The following GLS variants were observed in gnomAD, a reference collection of about 807,000 sequenced individuals.
GLS encodes glutaminase kidney isoform, mitochondrial.
GLS carries 36 observed loss-of-function variants against 86.7 expected under a neutral mutation model. That is an observed-to-expected ratio of 0.42 (90% CI 0.32 to 0.55). The LOEUF is 0.55. Ranked by LOEUF, GLS falls within the 20% of genes least tolerant of loss-of-function variation. GLS has a pLI of 0.17. For missense variants in GLS, 528 were observed against 833.4 expected (o/e 0.63, Z 4.51); for synonymous variants, 317 against 305.9 (o/e 1.04, Z -0.38).
In GLS at chr2:190,881,315, G is replaced by A. The variant is rs1297502390; in HGVS notation, c.231G>A (p.Ser77=). ...PLARGLSSSP[S]EILQELGKGS... is the part of the protein sequence containing the mutation. The stretch of plus-strand genomic sequence containing the variant: ...CGCGGGGCCTGTCCAGCTCTCCTTC[G>A]GAGATCTTGCAGGAGCTGGGCAAGG... The change falls in exon 1 of 18, where the codon TCG becomes TCA. Residue 77 remains serine (S), a synonymous_variant. Coordinates refer to ENST00000320717, the MANE Select transcript of GLS (RefSeq NM_014905.5). 6.6e-7 allele frequency: 1 copy of A among 1,513,604 alleles called. No homozygotes were observed. 93.8% of individuals were successfully genotyped at this position (1,513,604 alleles called of 1,614,324 possible).
chr2:190,942,285 T>G (rs1025632892), intron 14 of GLS, among the ~76,000 whole-genome samples: 3 of 151,878 alleles, frequency 2.0e-5, no homozygotes, highest in African/African-American at 7.3e-5. Flanking sequence ...TTTCACCATG[T>G]TAGCCAAGAT....
intron 1 of GLS, 158 bp downstream of exon 1, chr2:190,881,628 G>T (rs1044037725): frequency 4.1e-5 from 26 of 629,986 alleles, no homozygotes; most frequent in South Asian, 9.2e-5. Context: ...ATGTGATTAG[G>T]CCCGGCCCCG....
Position 190,943,421 on chromosome 2 carries a change from GAT to G in GLS, c.1651-10142_1651-10141del, listed in dbSNP as rs1437499016. ...TAAGAAACCATCATTTTAAAGGTAA[GAT>G]AGAGTAGGAGAGGCTTCCACTAGGG... On this transcript the variant is annotated intron_variant, in intron 14 of 17. Coordinates refer to ENST00000320717, the MANE Select transcript of GLS (RefSeq NM_014905.5). The surrounding 1 kb of genome is among the most constrained non-coding windows in gnomAD (Gnocchi z 4.5). 3.3e-5 allele frequency among the ~76,000 whole-genome samples: 5 copies of G among 152,122 alleles called. No homozygotes were observed. Among genetic ancestry groups the G allele is most frequent in the Admixed American group, 6.5e-5 (1 of 15,272 alleles).
At chr2:190,894,576 A>G (rs1034230636) in intron 1 of GLS, among the ~76,000 whole-genome samples, 1 of 152,136 alleles carries the variant, frequency 6.6e-6, no homozygotes, top group African/African-American at 2.4e-5. Context: ...CCTTTCTCAG[A>G]TGAGGAAACT....
chr2:190,923,161 T>C (rs1278554690), intron 9 of GLS, among the ~76,000 whole-genome samples: 2 of 152,210 alleles, frequency 1.3e-5, no homozygotes, highest in Admixed American at 6.5e-5. Context: ...TTCCCCTTTT[T>C]CAAACTGATG....
chr2:190,880,912 G>GCAGCAGCAGCAGCAC lies in GLS; in HGVS notation c.-165_-164insGCAGCACCAGCAGCA, dbSNP rs1553572210. 20 of 946,726 alleles carry GCAGCAGCAGCAGCAC rather than the reference G, an allele frequency of 2.1e-5. 1 individual carries two copies. The highest frequency in any genetic ancestry group is 1.1e-4 in the Admixed American group (5 of 47,456). 58.6% of individuals were successfully genotyped at this position (946,726 alleles called of 1,614,324 possible). A position where few individuals can be genotyped will look rare whatever the true frequency, so the allele number is the denominator to read the frequency against. Reference sequence around the variant, plus strand: ...AGCAGCAGCAGCAGCAGCAGCAGCAGCAGCAGCACCCGCATCCGCTGCGGG... The same window carrying GCAGCAGCAGCAGCAC: ...AGCAGCAGCAGCAGCAGCAGCAGCAGCAGCAGCAGCAGCACCAGCAGCACCCGCATCCGCTGCGGG... On this transcript the variant is annotated 5_prime_UTR_variant, in exon 1 of 18. Transcript: ENST00000320717.
chr2:190,934,874 T>G (rs60202309), intron 14 of GLS: 83,610 of 976,944 alleles, frequency 0.086, 4,319 homozygotes, highest in Admixed American at 0.27. Context: ...GAAGAAGAGA[T>G]AAGATACTGC....
At chr2:190,926,166 A>G (rs1689888420) in intron 11 of GLS, among the ~76,000 whole-genome samples, 1 of 152,208 alleles carries the variant, frequency 6.6e-6, no homozygotes, top group Admixed American at 6.5e-5. Flanking sequence ...CATTTGGCAA[A>G]TTAAGAATGT....
chr2:190,959,382 A>G (rs755268611), intron 17 of GLS, among the ~76,000 whole-genome samples: 13 of 151,840 alleles, frequency 8.6e-5, no homozygotes, highest in Non-Finnish European at 1.6e-4. Context: ...CCAATTTGCC[A>G]TTCTGTGTCT....
intron 1 of GLS, among the ~76,000 whole-genome samples, chr2:190,891,564 G>A (rs1379381204): frequency 6.6e-6 from 1 of 152,042 alleles, no homozygotes; most frequent in Non-Finnish European, 1.5e-5. Context: ...AATAAATAGT[G>A]TAAAACTAAT....
At position 190,924,975 on chromosome 2, in the gene GLS, T is replaced by A. The variant is rs1397801466; in HGVS notation, c.1248+382T>A. On this transcript the variant is annotated intron_variant, in intron 11 of 17. Transcript: ENST00000320717. The surrounding 1 kb of genome is among the most constrained non-coding windows in gnomAD (Gnocchi z 5.2). ...ATAGATGTCTCAGAAATCTTGGTTC[T>A]AGGCCATGAGAAAATACATTTTCCA... Among the ~76,000 whole-genome samples, 1 of 152,232 alleles carries A rather than the reference T, an allele frequency of 6.6e-6. No individual in the cohort carries two copies. Among genetic ancestry groups the A allele is most frequent in the Non-Finnish European group, 1.5e-5 (1 of 68,036 alleles).
At chr2:190,888,838 C>T (rs1356836936) in intron 1 of GLS, among the ~76,000 whole-genome samples, 1 of 152,132 alleles carries the variant, frequency 6.6e-6, no homozygotes, top group Admixed American at 6.5e-5. Flanking sequence ...AGCTATCCTC[C>T]TTCACTCTTA....
chr2:190,959,248 T>G (rs1209959355), intron 17 of GLS, among the ~76,000 whole-genome samples: 1 of 151,996 alleles, frequency 6.6e-6, no homozygotes, highest in African/African-American at 2.4e-5. Flanking sequence ...CCCTGCTTTT[T>G]TTTTTTTTTT....
At position 190,935,607 on chromosome 2, in the gene GLS, A is replaced by G. The variant is rs1008868093; in HGVS notation, c.1650+3970A>G. On this transcript the variant is annotated intron_variant, in intron 14 of 17. Coordinates refer to ENST00000320717, the MANE Select transcript of GLS (RefSeq NM_014905.5). The surrounding 1 kb of genome is among the most constrained non-coding windows in gnomAD (Gnocchi z 4.2). Reference sequence around the variant, plus strand: ...GTTTTTCCATTTGGTAACTTTAAAAAAAGTGCAACCCTATTTGTAGGTTAT... The same window carrying G: ...GTTTTTCCATTTGGTAACTTTAAAAGAAGTGCAACCCTATTTGTAGGTTAT... Among the ~76,000 whole-genome samples the G allele has an allele frequency of 6.6e-6, 1 of 151,314 alleles. No individual in the cohort carries two copies. Among genetic ancestry groups the G allele is most frequent in the African/African-American group, 2.4e-5 (1 of 41,408 alleles).
intron 3 of GLS, among the ~76,000 whole-genome samples, chr2:190,899,789 A>G (rs1412454903): frequency 2.0e-5 from 3 of 152,160 alleles, no homozygotes; most frequent in African/African-American, 7.2e-5. Context: ...CAAAAAGCAG[A>G]ATACAGTTCA....
At chr2:190,882,522 T>C (rs1391565425) in intron 1 of GLS, among the ~76,000 whole-genome samples, 1 of 152,198 alleles carries the variant, frequency 6.6e-6, no homozygotes, top group African/African-American at 2.4e-5. Flanking sequence ...CTGTTTTGCT[T>C]CCCTTTTATT....
At chr2:190,881,916 C>A (rs550013596) in intron 1 of GLS, 78 of 155,082 alleles carry the variant, frequency 5.0e-4, no homozygotes, top group Non-Finnish European at 8.0e-4. Flanking sequence ...CCTTTACCTT[C>A]CTGACTTGTC....
intron 14 of GLS, chr2:190,934,472 T>C (rs1414661729): frequency 2.1e-6 from 2 of 973,350 alleles, no homozygotes; most frequent in Non-Finnish European, 1.2e-6. Flanking sequence ...GTTCTTTGAA[T>C]GTTCAGATGC....
At position 190,924,752 on chromosome 2, in the gene GLS, T is replaced by G. The variant is rs370253626; in HGVS notation, c.1248+159T>G. On this transcript the variant is annotated intron_variant, in intron 11 of 17. Coordinates refer to ENST00000320717, the MANE Select transcript of GLS (RefSeq NM_014905.5). The surrounding 1 kb of genome is among the most constrained non-coding windows in gnomAD (Gnocchi z 5.2). Reference sequence around the variant, plus strand: ...CAACATGGTGAAACCCCATCTCTACTAAAAATACAAAAATTATTCGGGTGT... The same window carrying G: ...CAACATGGTGAAACCCCATCTCTACGAAAAATACAAAAATTATTCGGGTGT... The G allele has an allele frequency of 1.3e-5, 7 of 546,998 alleles. No homozygotes were observed. In the East Asian group the frequency reaches 2.3e-4, roughly 18 times the overall value. 33.9% of individuals were successfully genotyped at this position (546,998 alleles called of 1,614,324 possible).
Sources: gnomAD v4.1 joint callset for allele counts (sites outside exome capture counted in the v4.1 genomes callset) on GRCh38, gnomAD v4.1.1 for gene constraint, Gnocchi (gnomAD v3.1) non-coding constraint, MANE v1.5 for transcripts, NCBI Gene and HGNC (gene_info 2026-07-23, HGNC 2026-07-21) for gene names.